The following RANGAP1 variants were observed in gnomAD, a reference collection of about 807,000 sequenced individuals.
The protein encoded by RANGAP1 is Ran GTPase activating protein 1.
In RANGAP1, 38 loss-of-function variants were observed where a neutral mutation model predicts 63.5. The ratio of observed to expected loss-of-function variants is 0.60; its 90% CI spans 0.46 to 0.78. The LOEUF is 0.78. Among genes scored for constraint, RANGAP1 ranks in the 30% least tolerant of loss-of-function variants. RANGAP1 has a pLI of 0.00. For missense variants in RANGAP1, 630 were observed against 740.3 expected, an observed-to-expected ratio of 0.85 and a Z score of 1.73; for synonymous variants, 329 against 310.5, an observed-to-expected ratio of 1.06 and a Z score of -0.63.
At chr22:41,256,429 C>A in intron 8 of RANGAP1, 139 bp from the exon 9 acceptor site, 1 of 784,182 alleles carries the variant, frequency 1.3e-6, no homozygotes, top group South Asian at 1.8e-5. Context: ...GGAAGAATAA[C>A]ACCAACAACA....
At chr22:41,259,058 A>C (rs934975209) in intron 6 of RANGAP1, among the ~76,000 whole-genome samples, 1 of 151,284 alleles carries the variant, frequency 6.6e-6, no homozygotes, top group African/African-American at 2.4e-5. Context: ...GCCACGATCC[A>C]GTGTGCGTTC....
At position 41,264,823 on chromosome 22, in the gene RANGAP1, G is replaced by A. The variant is rs2034373587; in HGVS notation, c.321C>T (p.Leu107=). ...PPALISLGEG[L]ITAGAQLVEL... ...CCACCAGCTGAGCCCCAGCTGTGAT[G>A]AGTCCTTCCCCTAGTGAGATCTGGG... Residue 107 remains leucine (L), a synonymous_variant, in exon 5 of 16, where the codon CTC becomes CTT. Coordinates refer to ENST00000356244, the MANE Select transcript of RANGAP1 (RefSeq NM_002883.4). 2 of 1,612,118 alleles carry A rather than the reference G, an allele frequency of 1.2e-6. No homozygotes were observed. The highest frequency in any genetic ancestry group is 1.7e-5 in the Admixed American group (1 of 59,944).
intron 11 of RANGAP1, 96 bp downstream of exon 11, chr22:41,254,212 G>T: frequency 7.3e-7 from 1 of 1,373,248 alleles, no homozygotes; most frequent in Non-Finnish European, 1.0e-6. Flanking sequence ...TGGCTACTGT[G>T]CTTAAGGAGA....
At chr22:41,280,584 G>T (rs764944021) in intron 2 of RANGAP1, 424 of 1,090,766 alleles carry the variant, frequency 3.9e-4, no homozygotes, top group Non-Finnish European at 5.0e-4. Context: ...CTGGGATCAT[G>T]GGGGTTAAGG....
At position 41,254,443 on chromosome 22, in the gene RANGAP1, T is replaced by C. The variant is rs756104571; in HGVS notation, c.1125A>G (p.Glu375=). The C allele has an allele frequency of 6.2e-7, 1 of 1,610,232 alleles. No individual in the cohort carries two copies. The highest frequency in any genetic ancestry group is 1.7e-5 in the Admixed American group (1 of 59,872). ...EEEEGEEEEE[E]AEEEEEEDEE... ...CATCTTCCTCCTCCTCTTCTTCTGC[T>C]TCCTCTTCTTCCTCTTCTCCTTCCT... Residue 375 remains glutamate, a synonymous_variant, in exon 11 of 16, where the codon GAA becomes GAG. Transcript: ENST00000356244.
chr22:41,257,728 T>C lies in RANGAP1; in HGVS notation c.774+220A>G, dbSNP rs765048763. 6.6e-5 allele frequency among the ~76,000 whole-genome samples: 10 copies of C among 152,100 alleles called. No individual in the cohort carries two copies. The highest frequency in any genetic ancestry group is 1.5e-4 in the Non-Finnish European group (10 of 67,994). On this transcript the variant is annotated intron_variant, in intron 7 of 15. Transcript: ENST00000356244. This position sits in a 1 kb window ranked among gnomAD's most constrained non-coding sequence, Gnocchi z 4.0. ...GCTGCAGAGGCGGCTCAGGAGAAGGTGGCATGAAGAATCAGAGCTGCCCGA... is the reference window on the plus strand; with the variant it reads ...GCTGCAGAGGCGGCTCAGGAGAAGGCGGCATGAAGAATCAGAGCTGCCCGA...
intron 14 of RANGAP1, 90 bp from the exon 15 acceptor site, chr22:41,249,541 C>G: frequency 6.3e-7 from 1 of 1,580,740 alleles, no homozygotes; most frequent in Non-Finnish European, 8.6e-7. Context: ...CTGATAGTGC[C>G]CACAACTGAG....
At chr22:41,273,850 C>T (rs1389834624) in intron 3 of RANGAP1, among the ~76,000 whole-genome samples, 2 of 146,482 alleles carry the variant, frequency 1.4e-5, no homozygotes, top group Non-Finnish European at 3.0e-5. Flanking sequence ...CCGAGGCGGG[C>T]AGATCACAAG....
At chr22:41,249,279 C>T (rs773055709) in intron 15 of RANGAP1, 51 bp downstream of exon 15, 2 of 1,543,410 alleles carry the variant, frequency 1.3e-6, no homozygotes, top group Middle Eastern at 2.1e-4. Context: ...CAGACCTGGC[C>T]AGAGAAGCCC....
intron 1 of RANGAP1, chr22:41,281,363 C>T (rs1469237030): frequency 1.0e-6 from 1 of 975,754 alleles, no homozygotes; most frequent in African/African-American, 1.7e-5. Flanking sequence ...GGACACCCAG[C>T]AACACCATGT....
Position 41,256,811 on chromosome 22 carries a change from A to G in RANGAP1, c.788T>C (p.Leu263Ser). ...AAAATTAATCACCTCCACCTGCCGC[A>G]AGGTCTTCAAGGTCTGTGAGGGGGA... ...AVAMAETLKT[L>S]RQVEVINFGD... is the part of the protein sequence containing the mutation. Residue 263 changes from leucine (L) to serine (S), a missense_variant, in exon 8 of 16, where the codon TTG becomes TCG. Coordinates refer to ENST00000356244, the MANE Select transcript of RANGAP1 (RefSeq NM_002883.4). 1 of 1,613,866 alleles carries G rather than the reference A, an allele frequency of 6.2e-7. No individual in the cohort carries two copies. The highest frequency in any genetic ancestry group is 1.1e-5 in the South Asian group (1 of 91,062).
chr22:41,246,908 G>A (rs1408905596), intron 15 of RANGAP1, among the ~76,000 whole-genome samples: 1 of 152,226 alleles, frequency 6.6e-6, no homozygotes, highest in Non-Finnish European at 1.5e-5. Context: ...GGCCCCCTCA[G>A]CCAGGCTCTC....
chr22:41,258,738 T>C (rs1249694258), intron 6 of RANGAP1, among the ~76,000 whole-genome samples: 1 of 152,174 alleles, frequency 6.6e-6, no homozygotes, highest in African/African-American at 2.4e-5. Flanking sequence ...CATCGCAACC[T>C]CTGCCTCCCA....
the RANGAP1 span, among the ~76,000 whole-genome samples, chr22:41,295,055 G>A: frequency 6.9e-6 from 1 of 145,054 alleles, no homozygotes; most frequent in Non-Finnish European, 1.5e-5. Context: ...CCGGCCAGCC[G>A]CCCTATCCGG....
Position 41,245,205 on chromosome 22 carries a change from AAC to A in RANGAP1, c.*1396_*1397del, listed in dbSNP as rs2032955708. ...AATGAGAAAATATTGCCCTCTAAGA[AAC>A]CTTGGAGGGACTTCTTGGAGGCCGT... On this transcript the variant is annotated 3_prime_UTR_variant, in exon 16 of 16. Coordinates refer to ENST00000356244, the MANE Select transcript of RANGAP1 (RefSeq NM_002883.4). Among the ~76,000 whole-genome samples, 1 of 152,154 alleles carries A rather than the reference AAC, an allele frequency of 6.6e-6. No homozygotes were observed. The highest frequency in any genetic ancestry group is 1.5e-5 in the Non-Finnish European group (1 of 68,028).
chr22:41,289,647 C>G (rs1016791638), upstream of RANGAP1, among the ~76,000 whole-genome samples: 14 of 151,982 alleles, frequency 9.2e-5, no homozygotes, highest in Admixed American at 2.6e-4. Flanking sequence ...ATCACTGTTT[C>G]CAAGCAACAC....
At chr22:41,254,761 A>T (rs962664663) in intron 10 of RANGAP1, 22 of 465,656 alleles carry the variant, frequency 4.7e-5, no homozygotes, top group Non-Finnish European at 6.2e-5. Flanking sequence ...TCATGAGGTC[A>T]GGAGATCGAG....
chr22:41,297,818 G>A, the RANGAP1 span, among the ~76,000 whole-genome samples: 5 of 150,578 alleles, frequency 3.3e-5, 1 homozygote, highest in East Asian at 9.8e-4. Flanking sequence ...AGCCTCCAGA[G>A]CAGCTGGGAC....
chr22:41,253,344 G>T (rs138125700), intron 11 of RANGAP1, among the ~76,000 whole-genome samples: 1 of 152,356 alleles, frequency 6.6e-6, no homozygotes, highest in East Asian at 1.9e-4. Flanking sequence ...CTACAGTCCA[G>T]CCTGGGTAAG....
Sources: gnomAD v4.1 joint callset for allele counts (sites outside exome capture counted in the v4.1 genomes callset) on GRCh38, gnomAD v4.1.1 for gene constraint, Gnocchi (gnomAD v3.1) non-coding constraint, MANE v1.5 for transcripts, NCBI Gene and HGNC (gene_info 2026-07-23, HGNC 2026-07-21) for gene names.